The following SP110 variants were observed in gnomAD, a reference collection of about 807,000 sequenced individuals.
SP110 encodes SP110 nuclear body protein.
SP110 carries 62 observed loss-of-function variants against 92.7 expected under a neutral mutation model. That is an observed-to-expected ratio of 0.67 (90% CI 0.55 to 0.83). The LOEUF is 0.83. Ranked by LOEUF, SP110 falls within the 40% of genes least tolerant of loss-of-function variation. The pLI is 0.00. For missense variants in SP110, 793 were observed against 863.9 expected (o/e 0.92, Z 1.03); for synonymous variants, 273 against 305.3 (o/e 0.89, Z 1.10).
At position 230,165,937 on chromosome 2, in the gene SP110, A is replaced by G. The variant is rs187670422; in HGVS notation, c.*3187T>C. ...GAAACAGAGTCTTACTCTGTTGCCC[A>G]GGCTGGAGTGCAGTGGTGGGATCTC... On this transcript the variant is annotated 3_prime_UTR_variant, in exon 19 of 19. Transcript: ENST00000258381. Among the ~76,000 whole-genome samples the G allele has an allele frequency of 4.8e-5, 7 of 146,138 alleles. No homozygotes were observed. In the East Asian group the frequency reaches 1.4e-3, roughly 29 times the overall value.
intron 12 of SP110, among the ~76,000 whole-genome samples, chr2:230,179,279 G>A (rs530635992): frequency 2.0e-5 from 3 of 152,280 alleles, no homozygotes; most frequent in African/African-American, 7.2e-5. Context: ...CCTACAGGAT[G>A]CCTGGCCTCA....
intron 14 of SP110, among the ~76,000 whole-genome samples, chr2:230,174,492 C>G (rs1242841120): frequency 6.6e-6 from 1 of 152,200 alleles, no homozygotes; most frequent in Non-Finnish European, 1.5e-5. Context: ...GCAACCTCCT[C>G]TCATGCCTCC....
chr2:230,185,799 G>A (rs1014135716), intron 11 of SP110, among the ~76,000 whole-genome samples, 195 bp downstream of exon 11: 1 of 152,166 alleles, frequency 6.6e-6, no homozygotes, highest in African/African-American at 2.4e-5. Context: ...AAGCCAAGGT[G>A]AACTGCACCC....
At chr2:230,169,665 A>C (rs1290397451) in intron 18 of SP110, among the ~76,000 whole-genome samples, 1 of 152,098 alleles carries the variant, frequency 6.6e-6, no homozygotes, top group African/African-American at 2.4e-5. Flanking sequence ...GGCAGAATGG[A>C]TGGGGAGATG....
chr2:230,172,141 C>G lies in SP110; in HGVS notation c.1740G>C (p.Lys580Asn). Residue 580 changes from lysine (K) to asparagine (N), a missense_variant, in exon 16 of 19, where the codon AAG (lysine) becomes AAC (asparagine). Coordinates refer to ENST00000258381, the MANE Select transcript of SP110 (RefSeq NM_080424.4). ...MLWSCTFCRM[K>N]RSSGSQQCHH... ...GGCACTGTTGGCTTCCTGAAGACCT[C>G]TTCATCCTGCAGAAGGTGCAACTCC... 6.2e-7 allele frequency: 1 copy of G among 1,613,372 alleles called. No individual in the cohort carries two copies. The highest frequency in any genetic ancestry group is 8.5e-7 in the Non-Finnish European group (1 of 1,179,236).
chr2:230,199,354 G>A (rs1244618422), intron 10 of SP110, among the ~76,000 whole-genome samples: 8 of 150,942 alleles, frequency 5.3e-5, no homozygotes, highest in African/African-American at 1.2e-4. Context: ...GATTACAGGC[G>A]CCCACCACCA....
Position 230,219,879 on chromosome 2 carries a change from C to CT in SP110, c.-8dup, listed in dbSNP as rs2045649777. The CT allele has an allele frequency of 1.0e-6, 1 of 980,134 alleles. No homozygotes were observed. Among genetic ancestry groups the CT allele is most frequent in the African/African-American group, 1.8e-5 (1 of 57,140 alleles). The allele number at this position is 980,134 out of a possible 1,614,324, so 60.7% of individuals were successfully genotyped here. On this transcript the variant is annotated 5_prime_UTR_variant, in exon 1 of 19. Transcript: ENST00000258381. Reference sequence around the variant, plus strand: ...CAGCAAAGACAGAAACTCACCTGGACTTTGAGTTTGTCGTTCCTGCCCCTT... The same window carrying CT: ...CAGCAAAGACAGAAACTCACCTGGACTTTTGAGTTTGTCGTTCCTGCCCCTT...
At chr2:230,196,970 C>T (rs2042906329) in intron 10 of SP110, among the ~76,000 whole-genome samples, 1 of 152,152 alleles carries the variant, frequency 6.6e-6, no homozygotes, top group African/African-American at 2.4e-5. Context: ...GGTTCCAAGT[C>T]TTTGCTATTG....
At chr2:230,219,998 C>A (rs1046074955), upstream of SP110, 9 of 985,560 alleles carry the variant, frequency 9.1e-6, no homozygotes, top group African/African-American at 1.0e-4. Context: ...TTGACAAACG[C>A]AGTAAGGGGC....
chr2:230,220,840 CAAAAAATA>C (rs749668606), upstream of SP110, among the ~76,000 whole-genome samples: 6 of 151,782 alleles, frequency 4.0e-5, no homozygotes, highest in East Asian at 1.9e-4. Flanking sequence ...CCCATCTCTA[CAAAAAATA>C]AAAAAATAAA....
In SP110 at chr2:230,209,953, G is replaced by T; in HGVS notation, c.807C>A (p.Ser269=). Residue 269 remains serine (S), a synonymous_variant, in exon 7 of 19, where the codon TCC becomes TCA. Transcript: ENST00000258381. The part of the protein sequence containing the change: ...PNDPEEPQEV[S]STPSDKKGKK... Reference sequence around the variant, plus strand: ...TACCTTTCTTGTCTGAAGGTGTGCTGGACACCTCCTGGGGCTCTTCTGGGT... The same window carrying T: ...TACCTTTCTTGTCTGAAGGTGTGCTTGACACCTCCTGGGGCTCTTCTGGGT... 1 of 1,607,660 alleles carries T rather than the reference G, an allele frequency of 6.2e-7. No homozygotes were observed.
chr2:230,201,031 A>T, intron 9 of SP110, 66 bp from the exon 10 acceptor site: 1 of 1,269,264 alleles, frequency 7.9e-7, no homozygotes. Context: ...CCAGAGACCC[A>T]GGAAGGCCCT....
At chr2:230,180,597 T>C (rs1188179646) in intron 12 of SP110, among the ~76,000 whole-genome samples, 1 of 152,182 alleles carries the variant, frequency 6.6e-6, no homozygotes, top group East Asian at 1.9e-4. Context: ...GAGAGAGAAT[T>C]GCCGGTGGTC....
At chr2:230,193,406 C>T (rs989499147) in intron 10 of SP110, among the ~76,000 whole-genome samples, 2 of 152,118 alleles carry the variant, frequency 1.3e-5, no homozygotes, top group African/African-American at 2.4e-5. Context: ...TTAATTGTTA[C>T]CTACATACGT....
chr2:230,186,238 TTC>T, intron 10 of SP110, 95 bp from the exon 11 acceptor site: 1 of 1,180,292 alleles, frequency 8.5e-7, no homozygotes, highest in Admixed American at 2.0e-5. Flanking sequence ...TTCTCTATAA[TTC>T]TCTCTTTTCT....
At chr2:230,179,033 T>C (rs761532783) in intron 12 of SP110, among the ~76,000 whole-genome samples, 2 of 152,160 alleles carry the variant, frequency 1.3e-5, no homozygotes, top group Non-Finnish European at 2.9e-5. Flanking sequence ...ACAGAGGATG[T>C]TACACCTAAA....
chr2:230,186,694 T>G (rs1243565107), intron 10 of SP110, among the ~76,000 whole-genome samples: 1 of 152,180 alleles, frequency 6.6e-6, no homozygotes, highest in Non-Finnish European at 1.5e-5. Context: ...ATCCGTTATA[T>G]CACTCTGTAT....
chr2:230,173,698 A>G (rs776941078), intron 14 of SP110: 1 of 152,114 alleles, frequency 6.6e-6, no homozygotes, highest in Non-Finnish European at 1.5e-5. Context: ...GCTTGGAAAG[A>G]ATGAATGGTG....
rs13018234 is a variant in SP110 at position 230,172,150 on chromosome 2, G to C, written c.1731C>G (p.Cys577Trp). The change falls in exon 16 of 19, where the codon TGC (cysteine) becomes TGG (tryptophan). Residue 577 changes from cysteine (C) to tryptophan (W), a missense_variant. Cys to Trp is a radical substitution (Grantham distance 215). Transcript: ENST00000258381. Reference sequence around the variant, plus strand: ...GGCTTCCTGAAGACCTCTTCATCCTGCAGAAGGTGCAACTCCACAGCATCC... The same window carrying C: ...GGCTTCCTGAAGACCTCTTCATCCTCCAGAAGGTGCAACTCCACAGCATCC... ...AKRMLWSCTF[C>W]RMKRSSGSQQ... 5.6e-6 allele frequency: 9 copies of C among 1,611,214 alleles called. No individual in the cohort carries two copies. The highest frequency in any genetic ancestry group is 7.6e-6 in the Non-Finnish European group (9 of 1,177,288).
Sources: gnomAD v4.1 joint callset for allele counts (sites outside exome capture counted in the v4.1 genomes callset) on GRCh38, gnomAD v4.1.1 for gene constraint, MANE v1.5 for transcripts, NCBI Gene and HGNC (gene_info 2026-07-23, HGNC 2026-07-21) for gene names.